Variants in DCAF17 observed in about 807,000 individuals in gnomAD.
DCAF17 encodes the protein DDB1 and CUL4 associated factor 17, also known as DDB1- and CUL4-associated factor 17.
Under a neutral mutation model 66.0 loss-of-function variants are expected in DCAF17, and 48 were observed. The observed-to-expected ratio is 0.73, with a 90% CI of 0.58 to 0.92. The LOEUF is 0.92. Among genes scored for constraint, DCAF17 ranks in the 40% least tolerant of loss-of-function variants. The pLI, the probability that DCAF17 is intolerant of heterozygous loss-of-function variation, is 0.00. For synonymous variants in DCAF17, 206 were observed against 214.6 expected (o/e 0.96, Z 0.35); for missense variants, 562 against 622.8 (o/e 0.90, Z 1.04).
intron 9 of DCAF17, among the ~76,000 whole-genome samples, chr2:171,470,296 T>A (rs1696169822): frequency 6.6e-6 from 1 of 152,172 alleles, no homozygotes; most frequent in South Asian, 2.1e-4. Flanking sequence ...GAATTTGCTT[T>A]TTTTTTTGAG....
At chr2:171,478,808 A>C (rs1696616238) in intron 12 of DCAF17, among the ~76,000 whole-genome samples, 2 of 152,192 alleles carry the variant, frequency 1.3e-5, no homozygotes, top group African/African-American at 2.4e-5. Context: ...AAAACACACA[A>C]AAAAGTATTA....
intron 8 of DCAF17, among the ~76,000 whole-genome samples, chr2:171,462,954 G>T (rs1256067732): frequency 6.6e-6 from 1 of 152,094 alleles, no homozygotes; most frequent in East Asian, 1.9e-4. Context: ...AGTTTTAACT[G>T]GGCATAGTGG....
rs769602895 is a variant in DCAF17 at position 171,458,007 on chromosome 2, G to A, written c.664G>A (p.Gly222Arg). ...GNVTDATLSH[G>R]ILIVMYSSGL... is the part of the protein sequence containing the mutation. The stretch of plus-strand genomic sequence containing the variant: ...CGTTACAGATGCTACCTTGTCTCAT[G>A]GAATACTGATTGTGATGTACAGCTC... Residue 222 changes from glycine to arginine, a missense_variant, in exon 7 of 14, where the codon GGA (glycine) becomes AGA (arginine). Gly to Arg is a moderately radical substitution (Grantham distance 125). Transcript: ENST00000375255. The A allele has an allele frequency of 1.9e-6, 3 of 1,614,080 alleles. No homozygotes were observed. The highest frequency in any genetic ancestry group is 2.5e-6 in the Non-Finnish European group (3 of 1,179,964).
rs1282574900 is a variant in DCAF17 at position 171,484,737 on chromosome 2, C to T, written c.*3623C>T. The T allele has an allele frequency of 2.4e-5, 11 of 453,940 alleles. No individual in the cohort carries two copies. In the Admixed American group the frequency reaches 2.6e-4, roughly 11 times the overall value. 28.1% of individuals were successfully genotyped at this position (453,940 alleles called of 1,614,324 possible). A position where few individuals can be genotyped will look rare whatever the true frequency, so the allele number is the denominator to read the frequency against. On this transcript the variant is annotated 3_prime_UTR_variant, in exon 14 of 14. Coordinates refer to ENST00000375255, the MANE Select transcript of DCAF17 (RefSeq NM_025000.4). ...TTCAGAAAGTTTCCTAAATCCCTCT[C>T]CCAGTCTATCCCCTCCCCACCCCTC...
chr2:171,455,628 A>G (rs1466506859), intron 6 of DCAF17, among the ~76,000 whole-genome samples: 1 of 152,170 alleles, frequency 6.6e-6, no homozygotes, highest in Non-Finnish European at 1.5e-5. Context: ...CCATTGACAC[A>G]AACAGTGTAT....
chr2:171,437,447 G>A (rs1308356915), intron 2 of DCAF17, among the ~76,000 whole-genome samples: 1 of 152,190 alleles, frequency 6.6e-6, no homozygotes, highest in African/African-American at 2.4e-5. Context: ...CCACTGATCT[G>A]TATGTCTGTC....
rs1000628753 is a variant in DCAF17, at chr2:171,434,303, C to T, written c.-275C>T. 9.8e-6 allele frequency: 6 copies of T among 613,192 alleles called. No homozygotes were observed. The highest frequency in any genetic ancestry group is 4.3e-5 in the Admixed American group (2 of 46,598). The allele number at this position is 613,192 out of a possible 1,614,324, so 38.0% of individuals were successfully genotyped here. On this transcript the variant is annotated 5_prime_UTR_variant, in exon 1 of 14. Coordinates refer to ENST00000375255, the MANE Select transcript of DCAF17 (RefSeq NM_025000.4). ...AGCGGCTCCGGCCGGCCGCGCGGTACCGGAGCGTCGCACTGTCAGCGGCCA... is the reference window on the plus strand; with the variant it reads ...AGCGGCTCCGGCCGGCCGCGCGGTATCGGAGCGTCGCACTGTCAGCGGCCA...
rs754675602 is a variant in DCAF17 at position 171,481,194 on chromosome 2, A to G, written c.*80A>G. ...GCGTCCAATCCATTTTATTATCTGC[A>G]TGGCACATTCTCCAGTATTTTCCAA... is the stretch of plus-strand genomic sequence containing the variant. On this transcript the variant is annotated 3_prime_UTR_variant, in exon 14 of 14. Transcript: ENST00000375255. The G allele has an allele frequency of 5.7e-6, 9 of 1,567,718 alleles. No homozygotes were observed. The highest frequency in any genetic ancestry group is 1.1e-5 in the South Asian group (1 of 89,714).
chr2:171,460,184 A>C (rs1376402898), intron 8 of DCAF17, among the ~76,000 whole-genome samples: 1 of 151,988 alleles, frequency 6.6e-6, no homozygotes. Context: ...TTAGCTAGGC[A>C]CGGTGGCAGG....
Position 171,448,354 on chromosome 2 carries a change from A to ATTGTTGTTGTTGTTATTG in DCAF17, c.322-322_322-321insGTTGTTGTTATTGTTGTT, listed in dbSNP as rs541812629. Reference sequence around the variant, plus strand: ...GATTTTAAGAGCTGTTATTGTTGTTATTGTTATCACAGAGGTAGCATCATT... The same window carrying ATTGTTGTTGTTGTTATTG: ...GATTTTAAGAGCTGTTATTGTTGTTATTGTTGTTGTTGTTATTGTTGTTATCACAGAGGTAGCATCATT... On this transcript the variant is annotated intron_variant, in intron 3 of 13. Coordinates refer to ENST00000375255, the MANE Select transcript of DCAF17 (RefSeq NM_025000.4). 3.0e-3 allele frequency among the ~76,000 whole-genome samples: 450 copies of ATTGTTGTTGTTGTTATTG among 152,310 alleles called. 6 individuals are homozygous for ATTGTTGTTGTTGTTATTG. The highest frequency in any genetic ancestry group is 4.4e-3 in the East Asian group (23 of 5,190).
intron 9 of DCAF17, among the ~76,000 whole-genome samples, chr2:171,469,718 G>A (rs140304084): frequency 1.3e-4 from 20 of 152,320 alleles, no homozygotes; most frequent in African/African-American, 4.8e-4. Context: ...AAGATGCAAT[G>A]TATTAAGTAC....
chr2:171,475,406 G>A (rs1466134863), intron 10 of DCAF17, among the ~76,000 whole-genome samples: 1 of 152,108 alleles, frequency 6.6e-6, no homozygotes, highest in African/African-American at 2.4e-5. Flanking sequence ...CTGTTTTGCT[G>A]ACACCTATAA....
In DCAF17 at chr2:171,434,512, C is replaced by T. The variant is rs1220885191; in HGVS notation, c.-66C>T. On this transcript the variant is annotated 5_prime_UTR_variant, in exon 1 of 14. Coordinates refer to ENST00000375255, the MANE Select transcript of DCAF17 (RefSeq NM_025000.4). The stretch of plus-strand genomic sequence containing the variant: ...GAAATTCGAAGGCAGCGGCGGCTGC[C>T]CAGCACGGGAGTGTGGGGCGCGCCA... The T allele has an allele frequency of 1.3e-6, 2 of 1,523,950 alleles. No individual in the cohort carries two copies. The highest frequency in any genetic ancestry group is 1.8e-6 in the Non-Finnish European group (2 of 1,140,636). 94.4% of individuals were successfully genotyped at this position (1,523,950 alleles called of 1,614,324 possible). A position where few individuals can be genotyped will look rare whatever the true frequency, so the allele number is the denominator to read the frequency against.
At chr2:171,452,098 T>C (rs751484603) in intron 5 of DCAF17, among the ~76,000 whole-genome samples, 3 of 152,234 alleles carry the variant, frequency 2.0e-5, no homozygotes, top group Non-Finnish European at 4.4e-5. Flanking sequence ...ATTTATCCCT[T>C]TGGAAGGGAG....
intron 2 of DCAF17, among the ~76,000 whole-genome samples, chr2:171,440,761 T>C (rs1344815692): frequency 1.3e-5 from 2 of 152,208 alleles, no homozygotes. Flanking sequence ...TCCAGTGGCT[T>C]GTTCCTGGGC....
At chr2:171,465,260 C>T (rs998951244) in intron 8 of DCAF17, among the ~76,000 whole-genome samples, 13 of 151,598 alleles carry the variant, frequency 8.6e-5, no homozygotes, top group African/African-American at 3.2e-4. Context: ...TTTCTTTTCT[C>T]CTTAGTGTAC....
Position 171,434,531 on chromosome 2 carries a change from C to T in DCAF17, c.-47C>T. ...GGCTGCCCAGCACGGGAGTGTGGGG[C>T]GCGCCACTCGGCGGCCCAGCCTACC... On this transcript the variant is annotated 5_prime_UTR_variant, in exon 1 of 14. Coordinates refer to ENST00000375255, the MANE Select transcript of DCAF17 (RefSeq NM_025000.4). The T allele has an allele frequency of 2.6e-6, 4 of 1,522,744 alleles. No individual in the cohort carries two copies. The highest frequency in any genetic ancestry group is 3.5e-6 in the Non-Finnish European group (4 of 1,139,922). 94.3% of individuals were successfully genotyped at this position (1,522,744 alleles called of 1,614,324 possible).
rs1311587681 is a variant in DCAF17, at chr2:171,483,147, C to T, written c.*2033C>T. ...TGGGGAATTTGGATACCACACATAGCGAGAGACAATGAAGCATGCTTCCCA... is the reference window on the plus strand; with the variant it reads ...TGGGGAATTTGGATACCACACATAGTGAGAGACAATGAAGCATGCTTCCCA... On this transcript the variant is annotated 3_prime_UTR_variant, in exon 14 of 14. Transcript: ENST00000375255. 1 of 454,082 alleles carries T rather than the reference C, an allele frequency of 2.2e-6. No homozygotes were observed. Among genetic ancestry groups the T allele is most frequent in the Non-Finnish European group, 4.4e-6 (1 of 226,782 alleles). 28.1% of individuals were successfully genotyped at this position (454,082 alleles called of 1,614,324 possible). A position where few individuals can be genotyped will look rare whatever the true frequency, so the allele number is the denominator to read the frequency against.
chr2:171,471,462 GAAC>G (rs1241645204), intron 9 of DCAF17, among the ~76,000 whole-genome samples: 5 of 152,088 alleles, frequency 3.3e-5, no homozygotes, highest in Non-Finnish European at 5.9e-5. Context: ...ACAGTAAAGA[GAAC>G]AATCTCCTAA....
Sources: gnomAD v4.1 joint callset for allele counts (sites outside exome capture counted in the v4.1 genomes callset) on GRCh38, gnomAD v4.1.1 for gene constraint, MANE v1.5 for transcripts, NCBI Gene and HGNC (gene_info 2026-07-23, HGNC 2026-07-21) for gene names.